MRPL42: variants seen among roughly 807,000 people sequenced by gnomAD.
MRPL42 encodes mitochondrial ribosomal protein L42.
Under a neutral mutation model 17.9 loss-of-function variants are expected in MRPL42, and 17 were observed. The ratio of observed to expected loss-of-function variants is 0.95; its 90% CI spans 0.65 to 1.42. The LOEUF (loss-of-function observed/expected upper bound fraction) is 1.42, where lower values mean the gene tolerates loss of function less well. MRPL42 is among the 40% of genes most tolerant of loss of function. MRPL42 has a pLI of 0.00. For synonymous variants in MRPL42, 59 were observed against 54.4 expected (o/e 1.08, Z -0.37); for missense variants, 177 against 175.2 (o/e 1.01, Z -0.06).
intron 5 of MRPL42, among the ~76,000 whole-genome samples, chr12:93,488,824 G>A (rs1953360676): frequency 6.7e-6 from 1 of 149,550 alleles, no homozygotes; most frequent in Admixed American, 6.7e-5. Context: ...ACTATAAGAT[G>A]TTTTTGTTGT....
intron 2 of MRPL42, among the ~76,000 whole-genome samples, chr12:93,475,604 C>T (rs938477205): frequency 2.0e-5 from 3 of 152,128 alleles, no homozygotes; most frequent in African/African-American, 7.2e-5. Context: ...TTGCTTTTAA[C>T]TATATTGAGC....
chr12:93,483,185 C>T (rs1192781928), intron 4 of MRPL42, among the ~76,000 whole-genome samples: 1 of 152,216 alleles, frequency 6.6e-6, no homozygotes, highest in Non-Finnish European at 1.5e-5. Flanking sequence ...CATGAGCCAC[C>T]ACACCTGGCC....
Position 93,513,803 on chromosome 12 carries a change from C to G in MRPL42, c.*12582C>G. 6.6e-6 allele frequency: 1 copy of G among 151,994 alleles called. No individual in the cohort carries two copies. The allele number at this position is 151,994 out of a possible 1,614,324, so 9.4% of individuals were successfully genotyped here. A position where few individuals can be genotyped will look rare whatever the true frequency, so the allele number is the denominator to read the frequency against. ...TTTCATTTTATAATTTATAAAAGTACTAGACCACAATGGATTAAAGAACTA... is the reference window on the plus strand; with the variant it reads ...TTTCATTTTATAATTTATAAAAGTAGTAGACCACAATGGATTAAAGAACTA... On this transcript the variant is annotated 3_prime_UTR_variant, in exon 6 of 6. Transcript: ENST00000549982.
intron 3 of MRPL42, among the ~76,000 whole-genome samples, chr12:93,478,334 A>G (rs1880283602): frequency 1.3e-5 from 2 of 151,416 alleles, no homozygotes; most frequent in South Asian, 2.1e-4. Context: ...TGCAGCCTCA[A>G]CCTCCCAGGT....
intron 2 of MRPL42, among the ~76,000 whole-genome samples, chr12:93,470,775 T>A (rs1879873414): frequency 6.6e-6 from 1 of 152,256 alleles, no homozygotes; most frequent in African/African-American, 2.4e-5. Flanking sequence ...TCTGTGTTGC[T>A]GTAAAGGACA....
rs1953685588 is a variant in MRPL42, at chr12:93,507,708, C to G, written c.*6487C>G. ...GGCTGGCTAGTCCTAGATGGTGTCACTCATATGTCTGGTATTGAGTGACTG... is the reference window on the plus strand; with the variant it reads ...GGCTGGCTAGTCCTAGATGGTGTCAGTCATATGTCTGGTATTGAGTGACTG... On this transcript the variant is annotated 3_prime_UTR_variant, in exon 6 of 6. Transcript: ENST00000549982. The G allele has an allele frequency of 6.6e-6, 1 of 152,230 alleles. No individual in the cohort carries two copies. 9.4% of individuals were successfully genotyped at this position (152,230 alleles called of 1,614,324 possible).
At position 93,511,952 on chromosome 12, in the gene MRPL42, T is replaced by A. The variant is rs148295365; in HGVS notation, c.*10731T>A. The A allele has an allele frequency of 1.5e-3, 223 of 152,314 alleles. 1 individual carries two copies. Among genetic ancestry groups the A allele is most frequent in the African/African-American group, 5.2e-3 (216 of 41,576 alleles). The allele number at this position is 152,314 out of a possible 1,614,324, so 9.4% of individuals were successfully genotyped here. ...AAAGCATATCAACTGAACTGTACAG[T>A]GTGTTCAGTGACTTAGTAAAGAACA... On this transcript the variant is annotated 3_prime_UTR_variant, in exon 6 of 6. Coordinates refer to ENST00000549982, the MANE Select transcript of MRPL42 (RefSeq NM_014050.4).
chr12:93,475,635 T>C (rs894388853), intron 2 of MRPL42, among the ~76,000 whole-genome samples: 2 of 152,200 alleles, frequency 1.3e-5, no homozygotes, highest in African/African-American at 4.8e-5. Flanking sequence ...TTTTTTTCTT[T>C]ATATTAAAAG....
chr12:93,469,196 A>G lies in MRPL42; in HGVS notation c.-90A>G. The G allele has an allele frequency of 1.0e-6, 1 of 963,024 alleles. No homozygotes were observed. Among genetic ancestry groups the G allele is most frequent in the Non-Finnish European group, 1.6e-6 (1 of 630,302 alleles). The allele number at this position is 963,024 out of a possible 1,614,324, so 59.7% of individuals were successfully genotyped here. ...TTTTCTTTATCTCTTCAGCAGGAGT[A>G]GAAATTGGTATGCTTAGAAGCAGAT... On this transcript the variant is annotated 5_prime_UTR_variant, in exon 2 of 6. Coordinates refer to ENST00000549982, the MANE Select transcript of MRPL42 (RefSeq NM_014050.4).
rs574207223 is a variant in MRPL42, at chr12:93,469,203, G to C, written c.-83G>C. On this transcript the variant is annotated 5_prime_UTR_variant, in exon 2 of 6. Coordinates refer to ENST00000549982, the MANE Select transcript of MRPL42 (RefSeq NM_014050.4). ...TATCTCTTCAGCAGGAGTAGAAATT[G>C]GTATGCTTAGAAGCAGATTCTAAAA... 6 of 1,040,412 alleles carry C rather than the reference G, an allele frequency of 5.8e-6. No individual in the cohort carries two copies. The African/African-American group carries it at 9.8e-5, about 17-fold the overall frequency. 64.4% of individuals were successfully genotyped at this position (1,040,412 alleles called of 1,614,324 possible). A position where few individuals can be genotyped will look rare whatever the true frequency, so the allele number is the denominator to read the frequency against.
intron 5 of MRPL42, among the ~76,000 whole-genome samples, chr12:93,490,146 C>T (rs1342204496): frequency 6.6e-6 from 1 of 152,160 alleles, no homozygotes; most frequent in Non-Finnish European, 1.5e-5. Flanking sequence ...TTTAAGCATT[C>T]ATAACCAAAT....
At chr12:93,486,920 TC>T (rs1880769347) in intron 4 of MRPL42, among the ~76,000 whole-genome samples, 1 of 151,926 alleles carries the variant, frequency 6.6e-6, no homozygotes, top group South Asian at 2.1e-4. Context: ...CACCTTGGCC[TC>T]CCAAAGTGCT....
intron 5 of MRPL42, among the ~76,000 whole-genome samples, chr12:93,489,319 A>T (rs1953367311): frequency 6.6e-6 from 1 of 152,120 alleles, no homozygotes; most frequent in Admixed American, 6.6e-5. Context: ...AGGTTGGGTT[A>T]TGGCACCCAG....
At chr12:93,477,103 G>T in intron 3 of MRPL42, 86 bp downstream of exon 3, 2 of 982,240 alleles carry the variant, frequency 2.0e-6, no homozygotes, top group East Asian at 2.7e-5. Context: ...GATGTCTGAT[G>T]CTTTCTTTTC....
rs540360304 is a variant in MRPL42, at chr12:93,509,342, T to G, written c.*8121T>G. 4 of 152,294 alleles carry G rather than the reference T, an allele frequency of 2.6e-5. No homozygotes were observed. The highest frequency in any genetic ancestry group is 2.0e-4 in the Admixed American group (3 of 15,292). 9.4% of individuals were successfully genotyped at this position (152,294 alleles called of 1,614,324 possible). A position where few individuals can be genotyped will look rare whatever the true frequency, so the allele number is the denominator to read the frequency against. Reference sequence around the variant, plus strand: ...CATTCTAATGGATATATAGTAATAATTTGATGGTTTTAATTTGCATTTCTC... The same window carrying G: ...CATTCTAATGGATATATAGTAATAAGTTGATGGTTTTAATTTGCATTTCTC... On this transcript the variant is annotated 3_prime_UTR_variant, in exon 6 of 6. Transcript: ENST00000549982.
chr12:93,469,153 A>G, intron 1 of MRPL42, 39 bp from the exon 2 acceptor site: 1 of 621,238 alleles, frequency 1.6e-6, no homozygotes, highest in Non-Finnish European at 2.7e-6. Context: ...ACTTAAATTT[A>G]CCATAGGTAG....
intron 1 of MRPL42, among the ~76,000 whole-genome samples, chr12:93,468,573 G>A (rs76802792): frequency 0.029 from 4,382 of 152,270 alleles, 99 homozygotes; most frequent in African/African-American, 0.062. Flanking sequence ...TGATTAATAC[G>A]AGAGCAAAAT....
intron 3 of MRPL42, among the ~76,000 whole-genome samples, chr12:93,478,144 C>T (rs1322259989): frequency 4.0e-5 from 6 of 149,690 alleles, no homozygotes; most frequent in African/African-American, 1.2e-4. Flanking sequence ...TTTGTAGAAA[C>T]GGGGTTTCAC....
Position 93,480,783 on chromosome 12 carries a change from G to A in MRPL42, c.219+1311G>A, listed in dbSNP as rs564668232. 2.6e-5 allele frequency among the ~76,000 whole-genome samples: 4 copies of A among 151,354 alleles called. No individual in the cohort carries two copies. In the South Asian group the frequency reaches 8.4e-4, roughly 32 times the overall value. ...TCTCGATCTCTTGACCTCATGATCCGCCTGCCTCAGCCTCCCAAAGCGCTG... is the reference window on the plus strand; with the variant it reads ...TCTCGATCTCTTGACCTCATGATCCACCTGCCTCAGCCTCCCAAAGCGCTG... On this transcript the variant is annotated intron_variant, in intron 4 of 5. Transcript: ENST00000549982.
Sources: allele counts gnomAD v4.1 joint callset (sites outside exome capture counted in the v4.1 genomes callset), GRCh38; gene constraint gnomAD v4.1.1; transcripts MANE v1.5; gene names NCBI Gene and HGNC (gene_info 2026-07-23, HGNC 2026-07-21).